METTL8: variants seen among roughly 807,000 people sequenced by gnomAD.
METTL8 encodes methyltransferase 8, tRNA N3-cytidine.
METTL8 carries 32 observed loss-of-function variants against 48.7 expected under a neutral mutation model. The observed-to-expected ratio is 0.66, with a 90% CI of 0.50 to 0.88. The LOEUF (loss-of-function observed/expected upper bound fraction) is 0.88. METTL8 is among the 40% of genes least tolerant of loss of function. The pLI is 0.00. For missense variants in METTL8, 464 were observed against 474.4 expected, an observed-to-expected ratio of 0.98 and a Z score of 0.20; for synonymous variants, 136 against 157.1, an observed-to-expected ratio of 0.87 and a Z score of 1.01.
In METTL8 at chr2:171,360,483, T is replaced by G; in HGVS notation, c.174A>C (p.Glu58Asp). The change falls in exon 3 of 10, where the codon GAA becomes GAC. Residue 58 changes from glutamate to aspartate, a missense_variant. Transcript: ENST00000375258. Reference sequence around the variant, plus strand: ...CTTTTACTTTTTTTCTGGCTGCTGCTTCTTCTTCCTTAGACCACTGCATGT... The same window carrying G: ...CTTTTACTTTTTTTCTGGCTGCTGCGTCTTCTTCCTTAGACCACTGCATGT... ...WDHMQWSKEE[E>D]AAARKKVKEN... 6.2e-7 allele frequency: 1 copy of G among 1,613,608 alleles called. No homozygotes were observed. The highest frequency in any genetic ancestry group is 2.2e-5 in the East Asian group (1 of 44,886).
chr2:171,347,257 TATC>T (rs1683368297), intron 3 of METTL8, among the ~76,000 whole-genome samples: 1 of 152,182 alleles, frequency 6.6e-6, no homozygotes, highest in Non-Finnish European at 1.5e-5. Flanking sequence ...TTCAAAGTGG[TATC>T]ATCAACCCTC....
At chr2:171,394,091 C>T (rs1688833139) in intron 1 of METTL8, among the ~76,000 whole-genome samples, 1 of 152,204 alleles carries the variant, frequency 6.6e-6, no homozygotes, top group Admixed American at 6.5e-5. Context: ...CCTACCACCA[C>T]CTTTACCCTG....
intron 1 of METTL8, among the ~76,000 whole-genome samples, chr2:171,410,146 C>T (rs1690599963): frequency 6.6e-6 from 1 of 152,148 alleles, no homozygotes; most frequent in Admixed American, 6.5e-5. Context: ...TAATCTTTCA[C>T]CTATGAACGG....
intron 1 of METTL8, among the ~76,000 whole-genome samples, chr2:171,393,983 C>G (rs1430398998): frequency 6.6e-6 from 1 of 152,116 alleles, no homozygotes; most frequent in Non-Finnish European, 1.5e-5. Context: ...AGAAATGAAA[C>G]CTTCAACAGC....
At chr2:171,327,728 A>C (rs1030268945) in intron 7 of METTL8, among the ~76,000 whole-genome samples, 2 of 152,236 alleles carry the variant, frequency 1.3e-5, no homozygotes, top group Non-Finnish European at 2.9e-5. Context: ...CTAGCACATA[A>C]GGACATAAAA....
intron 1 of METTL8, among the ~76,000 whole-genome samples, chr2:171,415,866 G>T (rs1559205253): frequency 6.6e-6 from 1 of 152,164 alleles, no homozygotes; most frequent in African/African-American, 2.4e-5. Context: ...CCAGAGAAGA[G>T]TTGCTTAAAA....
intron 1 of METTL8, among the ~76,000 whole-genome samples, chr2:171,397,644 TG>T (rs1377782768): frequency 6.6e-6 from 1 of 151,208 alleles, no homozygotes; most frequent in East Asian, 1.9e-4. Context: ...GTTAGTTCTT[TG>T]GAAAGATTAA....
chr2:171,404,424 G>C (rs1217366030), intron 1 of METTL8, among the ~76,000 whole-genome samples: 1 of 152,088 alleles, frequency 6.6e-6, no homozygotes, highest in Non-Finnish European at 1.5e-5. Flanking sequence ...AGCAGATGAT[G>C]ACTACCGGGT....
Position 171,337,464 on chromosome 2 carries a change from C to T in METTL8, c.645G>A (p.Leu215=). The change falls in exon 5 of 10, where the codon TTG becomes TTA. Residue 215 remains leucine, a synonymous_variant. Coordinates refer to ENST00000375258, the MANE Select transcript of METTL8 (RefSeq NM_001321154.2). The part of the protein sequence containing the change: ...CGAGNSVFPI[L]NTLENSPESF... The stretch of plus-strand genomic sequence containing the variant: ...CTCTTAAAACTCACTCCAAAGTGTT[C>T]AAAATTGGAAACACACTATTTCCAG... The T allele has an allele frequency of 6.2e-7, 1 of 1,603,536 alleles. No individual in the cohort carries two copies. The highest frequency in any genetic ancestry group is 1.1e-5 in the South Asian group (1 of 88,850).
intron 2 of METTL8, among the ~76,000 whole-genome samples, chr2:171,371,886 G>C (rs1385900991): frequency 6.7e-6 from 1 of 149,088 alleles, no homozygotes; most frequent in Non-Finnish European, 1.5e-5. Flanking sequence ...GACGGGTCTT[G>C]CTTTGTTGCC....
intron 2 of METTL8, among the ~76,000 whole-genome samples, chr2:171,384,368 G>T (rs934282868): frequency 4.6e-5 from 7 of 152,034 alleles, no homozygotes; most frequent in African/African-American, 1.7e-4. Context: ...AAATTAGCTA[G>T]CCATGGTGAC....
In METTL8 at chr2:171,325,847, T is replaced by G. The variant is rs1430366735; in HGVS notation, c.1027A>C (p.Thr343Pro). The G allele has an allele frequency of 6.4e-7, 1 of 1,573,594 alleles. No individual in the cohort carries two copies. The highest frequency in any genetic ancestry group is 8.7e-7 in the Non-Finnish European group (1 of 1,152,804). The change falls in exon 9 of 10, where the codon ACA becomes CCA. Residue 343 changes from threonine to proline, a missense_variant. Coordinates refer to ENST00000375258, the MANE Select transcript of METTL8 (RefSeq NM_001321154.2). ...CTTTTGTAGATTAGCATACCTTTTG[T>G]AAAGAAATATGCTCTGGTACCATCT... ...RGDGTRAYFFTKGEVHSMFCK... is the reference protein window; with the variant it reads ...RGDGTRAYFFPKGEVHSMFCK...
chr2:171,382,235 C>T lies in METTL8; in HGVS notation c.143+9808G>A, dbSNP rs116720960. Among the ~76,000 whole-genome samples the T allele has an allele frequency of 3.3e-3, 496 of 152,266 alleles. 1 individual carries two copies. The highest frequency in any genetic ancestry group is 5.6e-3 in the Non-Finnish European group (382 of 68,018). On this transcript the variant is annotated intron_variant, in intron 2 of 9. Transcript: ENST00000375258. ...ACCCAAAGGAATATAAATCATTCCA[C>T]TCTAAAGACACATGCACACATGTGC... is the stretch of plus-strand genomic sequence containing the variant.
chr2:171,355,599 G>C lies in METTL8; in HGVS notation c.235+4823C>G, dbSNP rs1014952229. On this transcript the variant is annotated intron_variant, in intron 3 of 9. Coordinates refer to ENST00000375258, the MANE Select transcript of METTL8 (RefSeq NM_001321154.2). ...TACAGAGGCAGGCAGGCCTCCTTGA[G>C]CTGTGGTGGGCTACACCCAGTTCGA... 2.0e-5 allele frequency among the ~76,000 whole-genome samples: 3 copies of C among 152,252 alleles called. No homozygotes were observed. In the East Asian group the frequency reaches 5.8e-4, roughly 29 times the overall value.
In METTL8 at chr2:171,378,627, T is replaced by C. The variant is rs147645188; in HGVS notation, c.143+13416A>G. Among the ~76,000 whole-genome samples the C allele has an allele frequency of 2.8e-3, 421 of 151,418 alleles. 4 individuals carry two copies. Among genetic ancestry groups the C allele is most frequent in the African/African-American group, 9.8e-3 (403 of 41,224 alleles). ...GCCTGGGTGACAGAGCGAGACTCCA[T>C]CTAAAAAAATAAAAATAAAAAAATA... On this transcript the variant is annotated intron_variant, in intron 2 of 9. Coordinates refer to ENST00000375258, the MANE Select transcript of METTL8 (RefSeq NM_001321154.2).
chr2:171,338,871 G>A (rs1453846607), intron 4 of METTL8, among the ~76,000 whole-genome samples: 2 of 151,886 alleles, frequency 1.3e-5, no homozygotes, highest in African/African-American at 2.4e-5. Flanking sequence ...TCTAAAAAGG[G>A]GTAATAACAA....
intron 1 of METTL8, among the ~76,000 whole-genome samples, chr2:171,420,316 A>T (rs1691744954): frequency 6.6e-6 from 1 of 152,222 alleles, no homozygotes. Flanking sequence ...TTCCCGCTAG[A>T]CTATTCTTTT....
intron 4 of METTL8, among the ~76,000 whole-genome samples, chr2:171,338,741 T>A (rs1230511405): frequency 6.6e-6 from 1 of 152,076 alleles, no homozygotes; most frequent in African/African-American, 2.4e-5. Context: ...GTTAGCAAAT[T>A]TTCTATAATC....
Position 171,331,860 on chromosome 2 carries a change from G to T in METTL8, c.664C>A (p.Pro222Thr), listed in dbSNP as rs774209016. ...TCACAACAATACAGAAAGGACTCCG[G>T]AGAGTTCCTATGAAGATGGAAGAAA... ...FPILNTLENS[P>T]ESFLYCCDFA... is the part of the protein sequence containing the mutation. The change falls in exon 6 of 10, where the codon CCG (proline) becomes ACG (threonine). Residue 222 changes from proline to threonine, a missense_variant. Pro to Thr is a conservative substitution (Grantham distance 38, BLOSUM62 -1). Transcript: ENST00000375258. 1.3e-6 allele frequency: 2 copies of T among 1,595,338 alleles called. No individual in the cohort carries two copies. The highest frequency in any genetic ancestry group is 1.7e-6 in the Non-Finnish European group (2 of 1,169,558).
Sources: gnomAD v4.1 joint callset for allele counts (sites outside exome capture counted in the v4.1 genomes callset) on GRCh38, gnomAD v4.1.1 for gene constraint, MANE v1.5 for transcripts, NCBI Gene and HGNC (gene_info 2026-07-23, HGNC 2026-07-21) for gene names.